Variants in TRPM4 observed in about 807,000 individuals in gnomAD.
TRPM4 encodes the protein calcium-activated non-selective cation channel 1.
In TRPM4, 124 loss-of-function variants were observed where a neutral mutation model predicts 135.6. The observed-to-expected ratio is 0.91, with a 90% CI of 0.79 to 1.06. The LOEUF is 1.06. TRPM4 is among the 50% of genes least tolerant of loss of function. TRPM4 has a pLI of 0.00. For synonymous variants in TRPM4, 745 were observed against 705.6 expected, an observed-to-expected ratio of 1.06 and a Z score of -0.88; for missense variants, 1,658 against 1,671.4, an observed-to-expected ratio of 0.99 and a Z score of 0.14.
At chr19:49,157,938 C>G (rs756719798) in intron 1 of TRPM4, 48 bp downstream of exon 1, 1 of 1,525,200 alleles carries the variant, frequency 6.6e-7, no homozygotes, top group South Asian at 1.2e-5. Flanking sequence ...GGGGACCTCG[C>G]CTCCAGGCTC....
At chr19:49,183,031 A>G in intron 11 of TRPM4, 47 bp from the exon 12 acceptor site, 3 of 1,605,746 alleles carry the variant, frequency 1.9e-6, no homozygotes, top group Non-Finnish European at 2.5e-6. Context: ...GGTGGTGGCC[A>G]GTGTTGGGGA....
In TRPM4 at chr19:49,200,726, G is replaced by T. The variant is rs150452571; in HGVS notation, c.2894G>T (p.Arg965Leu). ...RDSDFPSILR[R>L]VFYRPYLQIF... is the part of the protein sequence containing the mutation. ...AGTGACTTCCCAAGTATCCTGCGCC[G>T]CGTCTTCTACCGTCCCTACCTGCAG... is the stretch of plus-strand genomic sequence containing the variant. The change falls in exon 19 of 25, where the codon CGC (arginine) becomes CTC (leucine). Residue 965 changes from arginine to leucine, a missense_variant. Arg to Leu is a moderately radical substitution (Grantham distance 102). This residue lies in a region of TRPM4 where 1,412 missense variants were observed against 1,408.7 expected (regional missense o/e 1.00). Transcript: ENST00000252826. 2 of 1,613,968 alleles carry T rather than the reference G, an allele frequency of 1.2e-6. No homozygotes were observed. Among genetic ancestry groups the T allele is most frequent in the Non-Finnish European group, 1.7e-6 (2 of 1,180,034 alleles).
At chr19:49,188,010 G>A (rs1274597704) in intron 12 of TRPM4, among the ~76,000 whole-genome samples, 1 of 152,178 alleles carries the variant, frequency 6.6e-6, no homozygotes, top group Non-Finnish European at 1.5e-5. Flanking sequence ...TTATCCCCAG[G>A]AGCAATTGGG....
intron 19 of TRPM4, 56 bp downstream of exon 19, chr19:49,200,841 G>A (rs750969563): frequency 2.0e-4 from 322 of 1,584,254 alleles, no homozygotes; most frequent in Non-Finnish European, 2.6e-4. Flanking sequence ...CCGCTCCCTG[G>A]GTCTCTGTCC....
intron 14 of TRPM4, 109 bp from the exon 15 acceptor site, chr19:49,190,099 C>A: frequency 1.1e-6 from 1 of 897,578 alleles, no homozygotes; most frequent in Non-Finnish European, 1.9e-6. Context: ...GTGGCTGTGA[C>A]ATTGGGCACT....
At chr19:49,166,311 C>G in intron 3 of TRPM4, 96 bp downstream of exon 3, 1 of 1,309,604 alleles carries the variant, frequency 7.6e-7, no homozygotes, top group Non-Finnish European at 1.0e-6. Context: ...AACCCTGGCC[C>G]CTCCGCCCAT....
chr19:49,200,735 A>G lies in TRPM4; in HGVS notation c.2903A>G (p.Tyr968Cys). ...CCAAGTATCCTGCGCCGCGTCTTCT[A>G]CCGTCCCTACCTGCAGATCTTCGGG... ...DFPSILRRVFYRPYLQIFGQI... is the reference protein window; with the variant it reads ...DFPSILRRVFCRPYLQIFGQI... The change falls in exon 19 of 25, where the codon TAC becomes TGC. Residue 968 changes from tyrosine (Y) to cysteine (C), a missense_variant. Physicochemically the swap from Tyr to Cys is radical, Grantham distance 194. Transcript: ENST00000252826. 1 of 1,614,120 alleles carries G rather than the reference A, an allele frequency of 6.2e-7. No homozygotes were observed.
At chr19:49,207,270 A>G (rs1159699876) in intron 20 of TRPM4, among the ~76,000 whole-genome samples, 1 of 152,134 alleles carries the variant, frequency 6.6e-6, no homozygotes, top group Non-Finnish European at 1.5e-5. Context: ...GTATGACGGT[A>G]GCTGTGGGTT....
intron 20 of TRPM4, among the ~76,000 whole-genome samples, chr19:49,202,507 G>A (rs562763171): frequency 6.6e-6 from 1 of 151,940 alleles, no homozygotes; most frequent in East Asian, 1.9e-4. Context: ...AGGCCAGCAG[G>A]CCTGCCTAAT....
chr19:49,211,115 CTG>C lies in TRPM4; in HGVS notation c.3534+31_3534+32del, dbSNP rs772021059. The C allele has an allele frequency of 4.3e-4, 686 of 1,612,922 alleles. No homozygotes were observed. The highest frequency in any genetic ancestry group is 5.4e-4 in the Non-Finnish European group (633 of 1,179,586). ...GAGGCCTTGGGGCCTGGCTGGGGGA[CTG>C]TGGCAGGGGTCCCATCTCCCGCTCT... On this transcript the variant is annotated intron_variant, in intron 23 of 24. Transcript: ENST00000252826. The surrounding 1 kb of genome is among the most constrained non-coding windows in gnomAD (Gnocchi z 4.8).
At chr19:49,180,595 G>A (rs1485768926) in intron 9 of TRPM4, among the ~76,000 whole-genome samples, 1 of 151,796 alleles carries the variant, frequency 6.6e-6, no homozygotes, top group African/African-American at 2.4e-5. Context: ...CCCATTCTCT[G>A]GGAGCTCTCT....
chr19:49,157,913 C>T lies in TRPM4; in HGVS notation c.24+23C>T, dbSNP rs544139098. On this transcript the variant is annotated intron_variant, in intron 1 of 24. Transcript: ENST00000252826. ...CAGGTGAGCGCCGGACCAGGGTCTG[C>T]GGGAGCGCGGAGCTGGGGACCTCGC... is the stretch of plus-strand genomic sequence containing the variant. The T allele has an allele frequency of 1.8e-5, 27 of 1,534,942 alleles. No homozygotes were observed. In the African/African-American group the frequency reaches 2.1e-4, roughly 12 times the overall value.
intron 2 of TRPM4, among the ~76,000 whole-genome samples, chr19:49,162,029 G>A (rs1271689187): frequency 6.6e-6 from 1 of 152,166 alleles, no homozygotes; most frequent in Admixed American, 6.6e-5. Flanking sequence ...CTACACTCAA[G>A]GGAGGTGAAA....
At position 49,211,317 on chromosome 19, in the gene TRPM4, T is replaced by G; in HGVS notation, c.3640+48T>G. 1 of 1,578,668 alleles carries G rather than the reference T, an allele frequency of 6.3e-7. No homozygotes were observed. Among genetic ancestry groups the G allele is most frequent in the Non-Finnish European group, 8.6e-7 (1 of 1,158,974 alleles). On this transcript the variant is annotated intron_variant, in intron 24 of 24. Transcript: ENST00000252826. This position sits in a 1 kb window ranked among gnomAD's most constrained non-coding sequence, Gnocchi z 4.8. ...TGCATCTCCAGCCTCTGTTCCTGTA[T>G]TTTTGCGTGTTTTTCTCTCTCGGCA...
In TRPM4 at chr19:49,179,472, C is replaced by T. The variant is rs139100699; in HGVS notation, c.1151-1877C>T. On this transcript the variant is annotated intron_variant, in intron 9 of 24. Transcript: ENST00000252826. ...TTCAAGCGATTCTCCTGCTCAGCCT[C>T]CCAAGTAGCTGGGACTACAGACGCA... Among the ~76,000 whole-genome samples, 1,397 of 152,212 alleles carry T rather than the reference C, an allele frequency of 9.2e-3. 23 individuals are homozygous for T. The highest frequency in any genetic ancestry group is 0.032 in the African/African-American group (1,333 of 41,530).
rs368950027 is a variant in TRPM4 at position 49,171,728 on chromosome 19, C to T, written c.1009C>T (p.Arg337Cys). The T allele has an allele frequency of 1.0e-4, 162 of 1,612,836 alleles. No individual in the cohort carries two copies. Among genetic ancestry groups the T allele is most frequent in the Middle Eastern group, 5.0e-4 (3 of 6,060 alleles). The change falls in exon 8 of 25, where the codon CGT (arginine) becomes TGT (cysteine). Residue 337 changes from arginine to cysteine, a missense_variant. Arg to Cys is a radical substitution (Grantham distance 180). This residue lies in a region of TRPM4 where 1,412 missense variants were observed against 1,408.7 expected (regional missense o/e 1.00). Transcript: ENST00000252826. This position sits in a 1 kb window ranked among gnomAD's most constrained non-coding sequence, Gnocchi z 4.7. ...RQGEARDRIR[R>C]FFPKGDLEVL... ...AGGCGAAGCCCGAGATCGAATCAGG[C>T]GTTTCTTTCCCAAAGGGGACCTTGA...
At position 49,199,975 on chromosome 19, in the gene TRPM4, G is replaced by T. The variant is rs555109648; in HGVS notation, c.2646-325G>T. On this transcript the variant is annotated intron_variant, in intron 17 of 24. Coordinates refer to ENST00000252826, the MANE Select transcript of TRPM4 (RefSeq NM_017636.4). ...TTCCTTTTGCGTATTAGTTTGTAAG[G>T]ACTCTATATGTTTTGCCTTTTATAG... is the stretch of plus-strand genomic sequence containing the variant. 2.1e-4 allele frequency among the ~76,000 whole-genome samples: 32 copies of T among 152,278 alleles called. No homozygotes were observed. In the South Asian group the frequency reaches 6.6e-3, roughly 32 times the overall value.
chr19:49,183,289 A>G, intron 12 of TRPM4, 77 bp downstream of exon 12: 1 of 1,596,168 alleles, frequency 6.3e-7, no homozygotes, highest in Non-Finnish European at 8.5e-7. Flanking sequence ...CAATTACCAT[A>G]CAATTCCCCG....
chr19:49,199,114 GA>G (rs113583052), intron 17 of TRPM4, among the ~76,000 whole-genome samples: 10 of 151,600 alleles, frequency 6.6e-5, no homozygotes, highest in Non-Finnish European at 1.0e-4. Context: ...CAATTTAACT[GA>G]AAAAAAATTT....
Sources: gnomAD v4.1 joint callset for allele counts (sites outside exome capture counted in the v4.1 genomes callset) on GRCh38, gnomAD v4.1.1 for gene constraint, gnomAD v4.1.1 regional missense constraint, Gnocchi (gnomAD v3.1) non-coding constraint, MANE v1.5 for transcripts, NCBI Gene and HGNC (gene_info 2026-07-23, HGNC 2026-07-21) for gene names.